Variants in EGFLAM observed in about 807,000 individuals in gnomAD.
EGFLAM encodes EGF like, fibronectin type III and laminin G domains.
EGFLAM carries 79 observed loss-of-function variants against 113.1 expected under a neutral mutation model. That is an observed-to-expected ratio of 0.70 (90% CI 0.58 to 0.84). The LOEUF (loss-of-function observed/expected upper bound fraction) is 0.84, where lower values mean the gene tolerates loss of function less well. EGFLAM is among the 40% of genes least tolerant of loss of function. EGFLAM has a pLI of 0.00. For synonymous variants in EGFLAM, 504 were observed against 487.6 expected (o/e 1.03, Z -0.44); for missense variants, 1,265 against 1,291.6 (o/e 0.98, Z 0.32).
rs144971664 is a variant in EGFLAM, at chr5:38,262,215, G to A, written c.97+3364G>A. On this transcript the variant is annotated intron_variant, in intron 1 of 21. Transcript: ENST00000322350. ...TCACCTGAGTCTCACCAGAAAGTGC[G>A]GGAGGACTGCCGTGCTTCTGTGGTG... Among the ~76,000 whole-genome samples the A allele has an allele frequency of 4.0e-3, 616 of 152,302 alleles. 13 individuals are homozygous for A. In the South Asian group the frequency reaches 0.044, roughly 11 times the overall value.
chr5:38,336,448 C>T (rs1040725058), intron 1 of EGFLAM, among the ~76,000 whole-genome samples: 11 of 152,170 alleles, frequency 7.2e-5, no homozygotes, highest in African/African-American at 2.7e-4. Context: ...GTGGCGAGCT[C>T]CTGTAGTCCC....
intron 5 of EGFLAM, among the ~76,000 whole-genome samples, chr5:38,366,681 C>T (rs934788402): frequency 2.0e-5 from 3 of 152,166 alleles, no homozygotes; most frequent in African/African-American, 7.2e-5. Flanking sequence ...CTTCAGTGAC[C>T]ATGTAGGTAG....
intron 1 of EGFLAM, among the ~76,000 whole-genome samples, chr5:38,284,866 T>C (rs1258856210): frequency 1.3e-5 from 2 of 152,138 alleles, no homozygotes; most frequent in East Asian, 3.9e-4. Context: ...ATGTAGATAA[T>C]AGGCAATAAT....
intron 1 of EGFLAM, among the ~76,000 whole-genome samples, chr5:38,327,597 C>T (rs968373719): frequency 1.3e-5 from 2 of 152,122 alleles, no homozygotes; most frequent in African/African-American, 4.8e-5. Context: ...CAGTGTCATA[C>T]AAGCCTCTTT....
chr5:38,316,619 T>C (rs574794253), intron 1 of EGFLAM, among the ~76,000 whole-genome samples: 1 of 152,194 alleles, frequency 6.6e-6, no homozygotes, highest in African/African-American at 2.4e-5. Context: ...ATTTTGGCAA[T>C]TTTTGTTAAA....
intron 17 of EGFLAM, among the ~76,000 whole-genome samples, chr5:38,442,455 A>G (rs959875811): frequency 6.7e-6 from 1 of 149,312 alleles, no homozygotes; most frequent in Admixed American, 6.7e-5. Flanking sequence ...TATGTTTAAT[A>G]TATTAAAAAT....
At chr5:38,435,921 G>A (rs896860307) in intron 16 of EGFLAM, among the ~76,000 whole-genome samples, 24 of 147,820 alleles carry the variant, frequency 1.6e-4, no homozygotes, top group African/African-American at 5.3e-4. Context: ...GGGTTCAAGC[G>A]ATTCTCCTGC....
chr5:38,463,944 T>C lies in EGFLAM; in HGVS notation c.2988T>C (p.Asp996=), dbSNP rs1442887077. 6.2e-7 allele frequency: 1 copy of C among 1,614,254 alleles called. No individual in the cohort carries two copies. Among genetic ancestry groups the C allele is most frequent in the Non-Finnish European group, 8.5e-7 (1 of 1,180,052 alleles). ...ATTACCACATTTCCCTCGTGGAAGA[T>C]GCCGTGGATGGGAAAAACATCAACA... ...STDYHISLVE[D]AVDGKNINTC... The change falls in exon 22 of 22, where the codon GAT becomes GAC. Residue 996 remains aspartate, a synonymous_variant. Transcript: ENST00000322350.
intron 1 of EGFLAM, among the ~76,000 whole-genome samples, chr5:38,312,403 G>T (rs1408688847): frequency 1.3e-5 from 2 of 151,966 alleles, no homozygotes; most frequent in East Asian, 1.9e-4. Context: ...CACCTCGCCT[G>T]GCTAATTTTT....
intron 6 of EGFLAM, among the ~76,000 whole-genome samples, chr5:38,397,574 TA>T (rs1258035128): frequency 6.6e-6 from 1 of 152,210 alleles, no homozygotes; most frequent in African/African-American, 2.4e-5. Flanking sequence ...ATCACAGGTG[TA>T]AGCTACCACG....
In EGFLAM at chr5:38,365,544, AG is replaced by A. The variant is rs1561049826; in HGVS notation, c.546-4747del. Among the ~76,000 whole-genome samples, 10 of 152,296 alleles carry A rather than the reference AG, an allele frequency of 6.6e-5. No homozygotes were observed. In the South Asian group the frequency reaches 2.1e-3, roughly 32 times the overall value. On this transcript the variant is annotated intron_variant, in intron 5 of 21. Coordinates refer to ENST00000322350, the MANE Select transcript of EGFLAM (RefSeq NM_152403.4). ...TTGGAAATGCCATCTAAGGTATTCT[AG>A]GGGGAAAAGTTCAGTGCAGTGTGTT...
At chr5:38,403,974 G>T in intron 6 of EGFLAM, 1 of 1,610,226 alleles carries the variant, frequency 6.2e-7, no homozygotes, top group South Asian at 1.1e-5. Flanking sequence ...GTGTGGAAGG[G>T]ATGAGAACAC....
chr5:38,283,342 C>T (rs904787972), intron 1 of EGFLAM, among the ~76,000 whole-genome samples: 2 of 152,146 alleles, frequency 1.3e-5, no homozygotes, highest in African/African-American at 4.8e-5. Flanking sequence ...TTACAGTCTT[C>T]ATTGCTTATG....
chr5:38,354,585 C>A (rs1457669960), intron 5 of EGFLAM, among the ~76,000 whole-genome samples: 1 of 152,142 alleles, frequency 6.6e-6, no homozygotes, highest in East Asian at 1.9e-4. Flanking sequence ...AAAAAATTAG[C>A]TGGGCATGGT....
chr5:38,410,032 C>T (rs1334709611), intron 10 of EGFLAM, among the ~76,000 whole-genome samples: 7 of 152,122 alleles, frequency 4.6e-5, no homozygotes, highest in Non-Finnish European at 8.8e-5. Context: ...CAGCATGTGG[C>T]GCAACCTCTC....
At chr5:38,331,707 C>A (rs147826491) in intron 1 of EGFLAM, among the ~76,000 whole-genome samples, 326 of 152,160 alleles carry the variant, frequency 2.1e-3, no homozygotes, top group African/African-American at 7.7e-3. Flanking sequence ...TTAGCCTATT[C>A]TAAGGCTAAG....
Position 38,291,367 on chromosome 5 carries a change from G to A in EGFLAM, c.97+32516G>A, listed in dbSNP as rs543881854. Among the ~76,000 whole-genome samples the A allele has an allele frequency of 4.6e-5, 7 of 152,312 alleles. No homozygotes were observed. In the South Asian group the frequency reaches 1.2e-3, roughly 27 times the overall value. On this transcript the variant is annotated intron_variant, in intron 1 of 21. Transcript: ENST00000322350. The stretch of plus-strand genomic sequence containing the variant: ...GGTCACACTGAAGTCTGGATTTGGG[G>A]AGGAGAAGGTTTTCTGTTTCTCTGC...
Position 38,370,369 on chromosome 5 carries a change from G to C in EGFLAM, c.619G>C (p.Asp207His). The C allele has an allele frequency of 6.2e-7, 1 of 1,614,184 alleles. No homozygotes were observed. The highest frequency in any genetic ancestry group is 1.1e-5 in the South Asian group (1 of 91,078). The change falls in exon 6 of 22, where the codon GAT becomes CAT. Residue 207 changes from aspartate to histidine, a missense_variant. Physicochemically the swap from Asp to His is moderately conservative, Grantham distance 81. Coordinates refer to ENST00000322350, the MANE Select transcript of EGFLAM (RefSeq NM_152403.4). ...QMDSMVIKGL[D>H]PDTNYQFAVR... ...GGACTCCATGGTTATCAAGGGCCTC[G>C]ATCCAGATACCAACTACCAGTTTGC...
Position 38,378,909 on chromosome 5 carries a change from C to T in EGFLAM, c.712+8447C>T, listed in dbSNP as rs1297118149. ...GTGGAACAGAGGTTAAGGTATCTGA[C>T]CACTCTTCAAGATGAAGGAGATGTT... is the stretch of plus-strand genomic sequence containing the variant. On this transcript the variant is annotated intron_variant, in intron 6 of 21. Transcript: ENST00000322350. Among the ~76,000 whole-genome samples, 8 of 152,154 alleles carry T rather than the reference C, an allele frequency of 5.3e-5. No homozygotes were observed. In the South Asian group the frequency reaches 8.3e-4, roughly 16 times the overall value.
Sources: gnomAD v4.1 joint callset for allele counts (sites outside exome capture counted in the v4.1 genomes callset) on GRCh38, gnomAD v4.1.1 for gene constraint, MANE v1.5 for transcripts, NCBI Gene and HGNC (gene_info 2026-07-23, HGNC 2026-07-21) for gene names.